The following ARFGAP2 variants were observed in gnomAD, a reference collection of about 807,000 sequenced individuals.
ARFGAP2 encodes the protein ADP-ribosylation factor GTPase-activating protein 2.
ARFGAP2 carries 45 observed loss-of-function variants against 71.9 expected under a neutral mutation model. The observed-to-expected ratio is 0.63, with a 90% CI of 0.49 to 0.80. The LOEUF (loss-of-function observed/expected upper bound fraction) is 0.80, where lower values mean the gene tolerates loss of function less well. Among genes scored for constraint, ARFGAP2 ranks in the 30% least tolerant of loss-of-function variants. The pLI, the probability that ARFGAP2 is intolerant of heterozygous loss-of-function variation, is 0.00. For synonymous variants in ARFGAP2, 248 were observed against 249.2 expected (o/e 1.00, Z 0.05); for missense variants, 633 against 673.9 (o/e 0.94, Z 0.67).
At position 47,170,421 on chromosome 11, in the gene ARFGAP2, G is replaced by A. The variant is rs534873277; in HGVS notation, c.941+1005C>T. On this transcript the variant is annotated intron_variant, in intron 10 of 15. Transcript: ENST00000524782. Reference sequence around the variant, plus strand: ...AGCACTTTGGGAGGCTGAGGCAGGTGGATCACTTGAGGTCAAGAGTTCGAC... The same window carrying A: ...AGCACTTTGGGAGGCTGAGGCAGGTAGATCACTTGAGGTCAAGAGTTCGAC... 2.0e-3 allele frequency among the ~76,000 whole-genome samples: 302 copies of A among 151,236 alleles called. 1 individual carries two copies. The highest frequency in any genetic ancestry group is 6.9e-3 in the Middle Eastern group (2 of 288).
Position 47,171,721 on chromosome 11 carries a change from G to C in ARFGAP2, c.752C>G (p.Ala251Gly). 1 of 1,613,842 alleles carries C rather than the reference G, an allele frequency of 6.2e-7. No homozygotes were observed. The highest frequency in any genetic ancestry group is 8.5e-7 in the Non-Finnish European group (1 of 1,180,040). The part of the protein sequence containing the change: ...FSEIERQAQV[A>G]EKLREQQAAD... ...TGCCTGCTGCTCACGGAGCTTCTCT[G>C]CCACCTGAGCCTGCCGCTCAATCTC... The change falls in exon 9 of 16, where the codon GCA (alanine) becomes GGA (glycine). Residue 251 changes from alanine (A) to glycine (G), a missense_variant. By Grantham distance (60) the Ala-to-Gly change is moderately conservative. Transcript: ENST00000524782.
chr11:47,164,458 AGGTGGG>A lies in ARFGAP2; in HGVS notation c.*1018_*1023del. The A allele has an allele frequency of 2.1e-6, 1 of 486,548 alleles. No homozygotes were observed. The highest frequency in any genetic ancestry group is 3.0e-5 in the South Asian group (1 of 33,300). The allele number at this position is 486,548 out of a possible 1,614,324, so 30.1% of individuals were successfully genotyped here. On this transcript the variant is annotated 3_prime_UTR_variant, in exon 16 of 16. Coordinates refer to ENST00000524782, the MANE Select transcript of ARFGAP2 (RefSeq NM_032389.6). ...CTTGGGAGCCCAACCTACAACCCAA[AGGTGGG>A]GGCTGGGCTGAGACTGCCGGTGCGG...
At chr11:47,172,164 G>A (rs985125651) in intron 8 of ARFGAP2, 117 bp downstream of exon 8, 26 of 1,070,448 alleles carry the variant, frequency 2.4e-5, no homozygotes, top group Non-Finnish European at 2.8e-5. Context: ...GAGGTTCGGA[G>A]AAACACAGTA....
Position 47,172,301 on chromosome 11 carries a change from GCTT to G in ARFGAP2, c.649_651del (p.Lys217del). 1 of 1,614,108 alleles carries G rather than the reference GCTT, an allele frequency of 6.2e-7. No homozygotes were observed. The highest frequency in any genetic ancestry group is 8.5e-7 in the Non-Finnish European group (1 of 1,180,022). ...CCTACCCCTTTCTTAGCTGCTGCTG[GCTT>G]CTTCTTGCCAATGATGGAGCTTTTC... is the stretch of plus-strand genomic sequence containing the variant. On this transcript the variant is annotated inframe_deletion, in exon 8 of 16. Coordinates refer to ENST00000524782, the MANE Select transcript of ARFGAP2 (RefSeq NM_032389.6).
chr11:47,176,488 A>C (rs888450282), intron 2 of ARFGAP2, 28 bp downstream of exon 2: 1 of 1,605,120 alleles, frequency 6.2e-7, no homozygotes, highest in Non-Finnish European at 8.5e-7. Context: ...GGCCGGGTGG[A>C]AACACGGCAA....
chr11:47,173,850 A>C lies in ARFGAP2; in HGVS notation c.481-10T>G, dbSNP rs889176843. The C allele has an allele frequency of 9.4e-6, 15 of 1,591,560 alleles. No individual in the cohort carries two copies. The highest frequency in any genetic ancestry group is 1.3e-5 in the Non-Finnish European group (15 of 1,169,480). On this transcript the variant is annotated splice_polypyrimidine_tract_variant and intron_variant, in intron 5 of 15. Coordinates refer to ENST00000524782, the MANE Select transcript of ARFGAP2 (RefSeq NM_032389.6). Reference sequence around the variant, plus strand: ...CATCCCAGGCAGGGGGCTGAAAAGGAGGCCAGATCACAGATGCCTCGGTGA... The same window carrying C: ...CATCCCAGGCAGGGGGCTGAAAAGGCGGCCAGATCACAGATGCCTCGGTGA...
In ARFGAP2 at chr11:47,165,314, G is replaced by A; in HGVS notation, c.*168C>T. On this transcript the variant is annotated 3_prime_UTR_variant, in exon 16 of 16. Transcript: ENST00000524782. ...CAGGCAGAGGACAAGGGCTGGTACT[G>A]ACCATTCCCCTCACAGGAGTGAGCG... 1.3e-6 allele frequency: 1 copy of A among 749,334 alleles called. No individual in the cohort carries two copies. The highest frequency in any genetic ancestry group is 2.1e-6 in the Non-Finnish European group (1 of 478,402). 46.4% of individuals were successfully genotyped at this position (749,334 alleles called of 1,614,324 possible). A position where few individuals can be genotyped will look rare whatever the true frequency, so the allele number is the denominator to read the frequency against.
At position 47,176,535 on chromosome 11, in the gene ARFGAP2, C is replaced by T; in HGVS notation, c.172G>A (p.Val58Ile). The change falls in exon 2 of 16, where the codon GTC (valine) becomes ATC (isoleucine). Residue 58 changes from valine (V) to isoleucine (I), a missense_variant. By Grantham distance (29) the Val-to-Ile change is conservative. Transcript: ENST00000524782. ...DCSGVHRSLG[V>I]HLSFIRSTEL... is the part of the protein sequence containing the mutation. The stretch of plus-strand genomic sequence containing the variant: ...GCCTACCTGATGAAGCTCAGATGGA[C>T]GCCCAGGGAGCGGTGCACCCCGGAA... 2 of 1,613,694 alleles carry T rather than the reference C, an allele frequency of 1.2e-6. No individual in the cohort carries two copies. Among genetic ancestry groups the T allele is most frequent in the Non-Finnish European group, 1.7e-6 (2 of 1,180,012 alleles).
chr11:47,169,883 A>C (rs779223786), intron 10 of ARFGAP2, among the ~76,000 whole-genome samples: 2 of 152,158 alleles, frequency 1.3e-5, no homozygotes. Flanking sequence ...CTGCTAAAAA[A>C]CTGTTCATAT....
At chr11:47,175,416 A>G in intron 3 of ARFGAP2, 103 bp from the exon 4 acceptor site, 1 of 1,515,092 alleles carries the variant, frequency 6.6e-7, no homozygotes, top group Non-Finnish European at 9.1e-7. Flanking sequence ...GTTATTATCT[A>G]TACAGGATGA....
intron 9 of ARFGAP2, 45 bp from the exon 10 acceptor site, chr11:47,171,602 T>C (rs771613303): frequency 1.9e-6 from 3 of 1,613,868 alleles, no homozygotes; most frequent in Non-Finnish European, 2.5e-6. Flanking sequence ...CATCCTGACC[T>C]GTCCAACATA....
Position 47,175,539 on chromosome 11 carries a change from C to T in ARFGAP2, c.265-226G>A, listed in dbSNP as rs930341836. ...ACTGAAGTCCAGGCCCCACTGAACGCTGCCTGAGCACAACATCCCATACCC... is the reference window on the plus strand; with the variant it reads ...ACTGAAGTCCAGGCCCCACTGAACGTTGCCTGAGCACAACATCCCATACCC... On this transcript the variant is annotated intron_variant, in intron 3 of 15. Transcript: ENST00000524782. The T allele has an allele frequency of 2.2e-5, 15 of 685,182 alleles. No individual in the cohort carries two copies. The Admixed American group carries it at 3.4e-4, about 16-fold the overall frequency. The allele number at this position is 685,182 out of a possible 1,614,324, so 42.4% of individuals were successfully genotyped here. A position where few individuals can be genotyped will look rare whatever the true frequency, so the allele number is the denominator to read the frequency against.
intron 7 of ARFGAP2, chr11:47,173,179 C>T: frequency 1.9e-6 from 1 of 526,430 alleles, no homozygotes; most frequent in South Asian, 2.0e-5. Flanking sequence ...CTAGACCCAG[C>T]CCCACACTCA....
intron 4 of ARFGAP2, 40 bp from the exon 5 acceptor site, chr11:47,175,138 A>G (rs1236874026): frequency 1.2e-6 from 2 of 1,614,022 alleles, no homozygotes; most frequent in African/African-American, 2.7e-5. Context: ...AGGGCTCTGA[A>G]TACTCCTAAC....
intron 5 of ARFGAP2, 183 bp downstream of exon 5, chr11:47,174,832 C>T: frequency 1.5e-6 from 1 of 679,806 alleles, no homozygotes; most frequent in Non-Finnish European, 2.6e-6. Context: ...GGCTACACTG[C>T]ACCTCCATTT....
chr11:47,173,280 A>T, intron 7 of ARFGAP2, 146 bp downstream of exon 7: 1 of 965,686 alleles, frequency 1.0e-6, no homozygotes, highest in Non-Finnish European at 1.6e-6. Context: ...CCACTATTTC[A>T]ATCACAGTCC....
At chr11:47,167,835 T>C in intron 12 of ARFGAP2, 74 bp downstream of exon 12, 1 of 1,483,364 alleles carries the variant, frequency 6.7e-7, no homozygotes, top group South Asian at 1.3e-5. Flanking sequence ...TAGACAGTGC[T>C]GCCTTAGAAT....
chr11:47,166,142 G>A (rs571412254), intron 15 of ARFGAP2, 126 bp downstream of exon 15: 75 of 929,116 alleles, frequency 8.1e-5, no homozygotes, highest in Admixed American at 9.4e-5. Context: ...GATTACAGGC[G>A]TGAGCCACCA....
chr11:47,172,906 C>G (rs1565129582), intron 7 of ARFGAP2, among the ~76,000 whole-genome samples: 1 of 152,224 alleles, frequency 6.6e-6, no homozygotes, highest in East Asian at 1.9e-4. Context: ...GGGTTCCAGC[C>G]CCAACCCCCA....
Sources: gnomAD v4.1 joint callset for allele counts (sites outside exome capture counted in the v4.1 genomes callset) on GRCh38, gnomAD v4.1.1 for gene constraint, MANE v1.5 for transcripts, NCBI Gene and HGNC (gene_info 2026-07-23, HGNC 2026-07-21) for gene names.